Variants in EML5 observed in about 807,000 individuals in gnomAD.
The protein encoded by EML5 is EMAP like 5.
Under a neutral mutation model 250.0 loss-of-function variants are expected in EML5, and 120 were observed. The ratio of observed to expected loss-of-function variants is 0.48; its 90% CI spans 0.41 to 0.56. The LOEUF is 0.56. Among genes scored for constraint, EML5 ranks in the 20% least tolerant of loss-of-function variants. The pLI, the probability that EML5 is intolerant of heterozygous loss-of-function variation, is 0.00. For missense variants in EML5, 2,006 were observed against 2,437.6 expected (o/e 0.82, Z 3.73); for synonymous variants, 771 against 806.5 (o/e 0.96, Z 0.75).
At chr14:88,731,725 C>T (rs1257941534) in intron 7 of EML5, among the ~76,000 whole-genome samples, 3 of 152,200 alleles carry the variant, frequency 2.0e-5, no homozygotes, top group Non-Finnish European at 2.9e-5. Flanking sequence ...TCCTCTCCAG[C>T]ACCTGTTGTT....
At chr14:88,688,559 T>C (rs2092890084) in intron 17 of EML5, 86 bp from the exon 18 acceptor site, 1 of 1,396,146 alleles carries the variant, frequency 7.2e-7, no homozygotes, top group Non-Finnish European at 9.9e-7. Flanking sequence ...ACTGTTGTTG[T>C]TGTTGTTTGA....
intron 15 of EML5, among the ~76,000 whole-genome samples, chr14:88,696,274 T>A (rs1386058545): frequency 1.3e-5 from 2 of 152,092 alleles, no homozygotes; most frequent in Non-Finnish European, 2.9e-5. Flanking sequence ...TAGAATTCTC[T>A]ATTAATGTAT....
In EML5 at chr14:88,663,051, GT is replaced by G. The variant is rs1457139309; in HGVS notation, c.3477del (p.Lys1159AsnfsTer9). On this transcript the variant is annotated frameshift_variant, in exon 24 of 44. Coordinates refer to ENST00000554922, the MANE Select transcript of EML5 (RefSeq NM_183387.3). LOFTEE classifies it high-confidence loss of function. ...CCTACCTCCACGCTGGGGATGGTTT[GT>G]TTTTTCCCTCTGGGAGCTTCAAAGA... ...QLFFEAPRGK[K>X]QTIPSVEVEK... 6.4e-7 allele frequency: 1 copy of G among 1,552,558 alleles called. No individual in the cohort carries two copies.
intron 31 of EML5, among the ~76,000 whole-genome samples, chr14:88,640,156 G>T (rs1172576594): frequency 6.8e-6 from 1 of 147,960 alleles, no homozygotes; most frequent in East Asian, 1.9e-4. Context: ...GATCATCAAG[G>T]TAGAAAACTA....
At chr14:88,689,965 C>A (rs1014194967) in intron 17 of EML5, among the ~76,000 whole-genome samples, 1 of 152,006 alleles carries the variant, frequency 6.6e-6, no homozygotes, top group Non-Finnish European at 1.5e-5. Context: ...TGGGAGGAGT[C>A]CACTTTAAGT....
At chr14:88,749,579 G>C (rs1030973087) in intron 2 of EML5, among the ~76,000 whole-genome samples, 2 of 151,906 alleles carry the variant, frequency 1.3e-5, no homozygotes, top group Admixed American at 6.6e-5. Context: ...GTTATTATGG[G>C]GTTTTCAAAA....
rs189246936 is a variant in EML5, at chr14:88,716,433, T to G, written c.1188-1238A>C. On this transcript the variant is annotated intron_variant, in intron 8 of 43. Transcript: ENST00000554922. ...CCTTCAAGTTAACATTAAATCCATA[T>G]ACCGTATTGCCCTTTGCTCCATATC... 1.2e-3 allele frequency among the ~76,000 whole-genome samples: 179 copies of G among 152,290 alleles called. 1 individual carries two copies. The highest frequency in any genetic ancestry group is 1.9e-3 in the Admixed American group (29 of 15,298).
At chr14:88,650,949 C>T (rs770216039) in intron 27 of EML5, among the ~76,000 whole-genome samples, 22 of 152,052 alleles carry the variant, frequency 1.4e-4, no homozygotes, top group Admixed American at 3.9e-4. Flanking sequence ...GCCTGTTTTC[C>T]ATATAAAGTG....
intron 2 of EML5, among the ~76,000 whole-genome samples, chr14:88,750,724 G>A (rs2094080603): frequency 6.6e-6 from 1 of 152,156 alleles, no homozygotes; most frequent in Non-Finnish European, 1.5e-5. Flanking sequence ...AATACAGTTT[G>A]TTATGACTCT....
At chr14:88,772,179 T>C (rs567971957) in intron 1 of EML5, among the ~76,000 whole-genome samples, 1 of 152,340 alleles carries the variant, frequency 6.6e-6, no homozygotes, top group East Asian at 1.9e-4. Flanking sequence ...ACTCATCTCA[T>C]GCATTCTATT....
At chr14:88,776,932 A>G (rs1024436010) in intron 1 of EML5, among the ~76,000 whole-genome samples, 8 of 152,142 alleles carry the variant, frequency 5.3e-5, no homozygotes, top group Non-Finnish European at 1.2e-4. Flanking sequence ...CCCCTATAAG[A>G]TCTAGAAAAT....
At chr14:88,695,249 G>A (rs1240447282) in intron 16 of EML5, 112 bp downstream of exon 16, 1 of 715,008 alleles carries the variant, frequency 1.4e-6, no homozygotes, top group Non-Finnish European at 2.3e-6. Context: ...AAACATGGAA[G>A]CAATAAAAAG....
chr14:88,697,444 T>G (rs1400671464), intron 14 of EML5, among the ~76,000 whole-genome samples: 1 of 152,172 alleles, frequency 6.6e-6, no homozygotes, highest in Admixed American at 6.5e-5. Flanking sequence ...TAAAGAATTC[T>G]AGACTAAAAT....
At position 88,613,202 on chromosome 14, in the gene EML5, C is replaced by T. The variant is rs2087080196; in HGVS notation, c.*2616G>A. The T allele has an allele frequency of 6.6e-6, 1 of 152,134 alleles. No individual in the cohort carries two copies. The highest frequency in any genetic ancestry group is 1.5e-5 in the Non-Finnish European group (1 of 68,040). The allele number at this position is 152,134 out of a possible 1,614,324, so 9.4% of individuals were successfully genotyped here. Reference sequence around the variant, plus strand: ...CAGGAAAGGCTTGAAACACGAGAAGCAGCAAAGACAGAGCACACAAGTGCA... The same window carrying T: ...CAGGAAAGGCTTGAAACACGAGAAGTAGCAAAGACAGAGCACACAAGTGCA... On this transcript the variant is annotated 3_prime_UTR_variant, in exon 44 of 44. Coordinates refer to ENST00000554922, the MANE Select transcript of EML5 (RefSeq NM_183387.3).
rs1046704163 is a variant in EML5, at chr14:88,712,457, C to T, written c.1471G>A (p.Glu491Lys). The change falls in exon 10 of 44, where the codon GAA becomes AAA. Residue 491 changes from glutamate to lysine, a missense_variant. Coordinates refer to ENST00000554922, the MANE Select transcript of EML5 (RefSeq NM_183387.3). ...PGGKEVTSTE[E>K]IKGVHWASWT... Reference sequence around the variant, plus strand: ...GAAGCCCAATGAACACCTTTTATTTCTTCTGTACTTGTCACTTCCTTTCCT... The same window carrying T: ...GAAGCCCAATGAACACCTTTTATTTTTTCTGTACTTGTCACTTCCTTTCCT... The T allele has an allele frequency of 6.2e-7, 1 of 1,613,016 alleles. No individual in the cohort carries two copies. The highest frequency in any genetic ancestry group is 1.7e-5 in the Admixed American group (1 of 59,936).
At chr14:88,735,286 A>G (rs2140186122) in intron 7 of EML5, among the ~76,000 whole-genome samples, 1 of 152,300 alleles carries the variant, frequency 6.6e-6, no homozygotes, top group Non-Finnish European at 1.5e-5. Flanking sequence ...TCTAGGAACC[A>G]CACTTTGAGA....
intron 23 of EML5, among the ~76,000 whole-genome samples, chr14:88,663,538 C>T (rs1010036966): frequency 6.6e-6 from 1 of 152,048 alleles, no homozygotes; most frequent in Admixed American, 6.6e-5. Context: ...ATTTATCAAA[C>T]ATATTAAACT....
At chr14:88,648,206 T>G (rs2091447468) in intron 28 of EML5, among the ~76,000 whole-genome samples, 1 of 152,172 alleles carries the variant, frequency 6.6e-6, no homozygotes, top group Admixed American at 6.5e-5. Context: ...GAACAATCAT[T>G]GTACAGCTTT....
intron 30 of EML5, among the ~76,000 whole-genome samples, chr14:88,644,203 C>G (rs2091227817): frequency 6.6e-6 from 1 of 152,116 alleles, no homozygotes; most frequent in Non-Finnish European, 1.5e-5. Flanking sequence ...CTCTGAGATA[C>G]AGTTCAATTA....
Sources: allele counts gnomAD v4.1 joint callset (sites outside exome capture counted in the v4.1 genomes callset), GRCh38; gene constraint gnomAD v4.1.1; transcripts MANE v1.5; gene names NCBI Gene and HGNC (gene_info 2026-07-23, HGNC 2026-07-21).